The following TBL1X variants were observed in gnomAD, a reference collection of about 807,000 sequenced individuals.
TBL1X encodes F-box-like/WD repeat-containing protein TBL1X.
Under a neutral mutation model 50.7 loss-of-function variants are expected in TBL1X, and 10 were observed. The observed-to-expected ratio is 0.20, with a 90% CI of 0.12 to 0.33. TBL1X has a LOEUF of 0.33. Ranked by LOEUF, TBL1X falls within the 10% of genes least tolerant of loss-of-function variation. TBL1X has a pLI of 1.00. For synonymous variants in TBL1X, 190 were observed against 214.7 expected, an observed-to-expected ratio of 0.88 and a Z score of 1.01; for missense variants, 340 against 504.4, an observed-to-expected ratio of 0.67 and a Z score of 3.12.
At chrX:9,531,059 T>C (rs1038786724) in intron 2 of TBL1X, 10 of 110,996 alleles carry the variant, frequency 9.0e-5, no homozygotes, top group African/African-American at 2.0e-4. Context: ...TGCAACTGAA[T>C]AGAGAAGGAT....
chrX:9,545,764 TA>T (rs1258547430), intron 2 of TBL1X, among the ~76,000 whole-genome samples: 1 of 111,301 alleles, frequency 9.0e-6, no homozygotes, highest in African/African-American at 3.3e-5. Context: ...ACCTCATAAT[TA>T]AACATATGAT....
Position 9,468,236 on chromosome X carries a change from G to A in TBL1X, c.-201+2789G>A, listed in dbSNP as rs992285506. 6.0e-4 allele frequency among the ~76,000 whole-genome samples: 67 copies of A among 111,861 alleles called. No individual in the cohort carries two copies. In the Admixed American group the frequency reaches 6.2e-3, roughly 10 times the overall value. On this transcript the variant is annotated intron_variant, in intron 1 of 17. Transcript: ENST00000645353. ...TGATAGGCGGCGGGTTCAGGAGAAA[G>A]GGAAGCTTTAGAAATGAAGGTAGAA...
chrX:9,491,306 TTATATATATATATATATA>T (rs757466880), intron 1 of TBL1X, among the ~76,000 whole-genome samples: 2 of 51,905 alleles, frequency 3.9e-5, no homozygotes, highest in African/African-American at 1.6e-4. Context: ...GCCAGTATAT[TTATATATATATATATATA>T]TATATATATA....
intron 3 of TBL1X, 24 bp from the exon 4 acceptor site, chrX:9,653,521 T>G: frequency 1.0e-6 from 1 of 970,233 alleles, no homozygotes; most frequent in Non-Finnish European, 1.4e-6. Flanking sequence ...GCTCCCTGCC[T>G]TCTGTGTTCT....
At chrX:9,518,098 C>CAAAAAAA (rs58522206) in intron 2 of TBL1X, among the ~76,000 whole-genome samples, 1 of 68,256 alleles carries the variant, frequency 1.5e-5, no homozygotes, top group Non-Finnish European at 2.7e-5. Flanking sequence ...GATCCTCTCT[C>CAAAAAAA]AAAAAAAAAA....
chrX:9,623,004 A>G (rs1159708870), intron 2 of TBL1X, among the ~76,000 whole-genome samples: 1 of 111,483 alleles, frequency 9.0e-6, no homozygotes, highest in Non-Finnish European at 1.9e-5. Context: ...CTAGAAGTGG[A>G]CTTGCTGGAT....
intron 2 of TBL1X, among the ~76,000 whole-genome samples, chrX:9,545,759 A>G (rs1455705503): frequency 9.0e-6 from 1 of 111,108 alleles, no homozygotes; most frequent in African/African-American, 3.3e-5. Context: ...GTCACACCTC[A>G]TAATTAAACA....
intron 7 of TBL1X, among the ~76,000 whole-genome samples, chrX:9,690,615 A>C (rs1265921854): frequency 1.8e-5 from 2 of 112,198 alleles, no homozygotes; most frequent in African/African-American, 6.5e-5. Flanking sequence ...TTTTAGGGGG[A>C]CATAGTTTAG....
At chrX:9,499,178 G>A (rs1014938659) in intron 1 of TBL1X, among the ~76,000 whole-genome samples, 1 of 111,602 alleles carries the variant, frequency 9.0e-6, no homozygotes, top group Non-Finnish European at 1.9e-5. Context: ...TTTCATGGTC[G>A]GGTGTCCTGA....
chrX:9,591,351 C>T (rs1440106195), intron 2 of TBL1X, among the ~76,000 whole-genome samples: 2 of 112,144 alleles, frequency 1.8e-5, no homozygotes, highest in Admixed American at 1.9e-4. Context: ...CTTGCACAGC[C>T]TCCTGTTGAC....
intron 2 of TBL1X, among the ~76,000 whole-genome samples, chrX:9,506,067 C>G (rs1207098421): frequency 8.9e-6 from 1 of 112,362 alleles, no homozygotes; most frequent in African/African-American, 3.2e-5. Flanking sequence ...CACTCCTCAG[C>G]AAATGGAAAA....
chrX:9,702,755 C>T (rs1404741874), intron 12 of TBL1X, among the ~76,000 whole-genome samples: 2 of 112,073 alleles, frequency 1.8e-5, no homozygotes, highest in East Asian at 2.8e-4. Context: ...TTACAGCTAC[C>T]TTGGAGAACA....
chrX:9,672,367 G>T (rs775000866), intron 5 of TBL1X, among the ~76,000 whole-genome samples: 18 of 111,882 alleles, frequency 1.6e-4, no homozygotes, highest in Non-Finnish European at 3.0e-4. Context: ...GCATTGATAT[G>T]TTTTATGCCA....
At chrX:9,668,541 G>C (rs1339977007) in intron 5 of TBL1X, among the ~76,000 whole-genome samples, 1 of 112,224 alleles carries the variant, frequency 8.9e-6, no homozygotes, top group African/African-American at 3.2e-5. Flanking sequence ...AAAATTTGGA[G>C]CATGTTACTT....
intron 2 of TBL1X, among the ~76,000 whole-genome samples, chrX:9,516,708 C>A (rs1474034624): frequency 8.9e-6 from 1 of 112,112 alleles, no homozygotes; most frequent in Non-Finnish European, 1.9e-5. Context: ...GATTGGAAGC[C>A]CATCGTTTTA....
chrX:9,501,008 A>G (rs1356729893), intron 1 of TBL1X, among the ~76,000 whole-genome samples: 17 of 111,695 alleles, frequency 1.5e-4, no homozygotes, highest in Non-Finnish European at 1.9e-5. Flanking sequence ...AAATGTCAGT[A>G]GGGCTAACAT....
intron 2 of TBL1X, among the ~76,000 whole-genome samples, chrX:9,577,300 G>A (rs1019315269): frequency 9.0e-5 from 10 of 111,662 alleles, no homozygotes; most frequent in Non-Finnish European, 1.5e-4. Flanking sequence ...TAATTTTCAC[G>A]TGTTTAAGAT....
intron 2 of TBL1X, chrX:9,637,806 G>C (rs1320981252): frequency 9.0e-6 from 1 of 111,322 alleles, no homozygotes; most frequent in African/African-American, 3.3e-5. Context: ...CTAAGGGTCA[G>C]ACAGGCTCTC....
intron 2 of TBL1X, among the ~76,000 whole-genome samples, chrX:9,597,039 G>T (rs148892771): frequency 0.011 from 1,204 of 111,239 alleles, 17 homozygotes; most frequent in African/African-American, 0.037. Flanking sequence ...TTGTGCTGAG[G>T]TCATGAATAT....
Sources: allele counts gnomAD v4.1 joint callset (sites outside exome capture counted in the v4.1 genomes callset), GRCh38; gene constraint gnomAD v4.1.1; transcripts MANE v1.5; gene names NCBI Gene and HGNC (gene_info 2026-07-23, HGNC 2026-07-21).